CLASP1: variants seen among roughly 807,000 people sequenced by gnomAD.
The protein encoded by CLASP1 is CLIP-associating protein 1.
In CLASP1, 38 loss-of-function variants were observed where a neutral mutation model predicts 192.3. That is an observed-to-expected ratio of 0.20 (90% CI 0.15 to 0.26). CLASP1 has a LOEUF of 0.26. Among genes scored for constraint, CLASP1 ranks in the 10% least tolerant of loss-of-function variants. The probability of loss-of-function intolerance (pLI) is 1.00; values close to 1 mark genes in which losing one functional copy is unlikely to be tolerated. For synonymous variants in CLASP1, 691 were observed against 712.8 expected (o/e 0.97, Z 0.49); for missense variants, 1,433 against 1,932.5 (o/e 0.74, Z 4.85).
intron 37 of CLASP1, among the ~76,000 whole-genome samples, chr2:121,362,958 G>C (rs1256759986): frequency 6.6e-6 from 1 of 152,228 alleles, no homozygotes; most frequent in African/African-American, 2.4e-5. Context: ...CAGTGAGCAG[G>C]AGCTAGGAAC....
At chr2:121,642,527 T>C (rs2072312385) in intron 1 of CLASP1, among the ~76,000 whole-genome samples, 1 of 151,136 alleles carries the variant, frequency 6.6e-6, no homozygotes, top group African/African-American at 2.4e-5. Flanking sequence ...AGGTCAGGAG[T>C]TCGAGACCAG....
At chr2:121,469,281 A>C (rs2090233959) in intron 9 of CLASP1, among the ~76,000 whole-genome samples, 1 of 152,134 alleles carries the variant, frequency 6.6e-6, no homozygotes, top group Non-Finnish European at 1.5e-5. Context: ...ACCATGGCTC[A>C]CTGGGAACTG....
chr2:121,458,389 T>G (rs1302014090), intron 13 of CLASP1, among the ~76,000 whole-genome samples: 3 of 152,198 alleles, frequency 2.0e-5, no homozygotes, highest in African/African-American at 7.2e-5. Flanking sequence ...AACAAGTGCC[T>G]AGAAAACCTA....
chr2:121,348,828 C>G (rs994989510), intron 37 of CLASP1, 110 bp from the exon 39 acceptor site: 2 of 996,496 alleles, frequency 2.0e-6, no homozygotes, highest in African/African-American at 3.3e-5. Context: ...CAATGTCAGA[C>G]GGCAGCCATT....
chr2:121,392,946 T>C (rs868652117), intron 30 of CLASP1, among the ~76,000 whole-genome samples: 1 of 152,230 alleles, frequency 6.6e-6, no homozygotes, highest in African/African-American at 2.4e-5. Flanking sequence ...CGTTCGTGTT[T>C]TGATTTTAAA....
chr2:121,533,429 A>G (rs2094950647), intron 2 of CLASP1, among the ~76,000 whole-genome samples: 3 of 152,212 alleles, frequency 2.0e-5, no homozygotes, highest in Admixed American at 2.0e-4. Flanking sequence ...TAAAACATGG[A>G]CAATAATAAC....
At chr2:121,642,452 G>A (rs1440806373) in intron 1 of CLASP1, among the ~76,000 whole-genome samples, 1 of 151,444 alleles carries the variant, frequency 6.6e-6, no homozygotes, top group African/African-American at 2.4e-5. Context: ...AAACTCTCAG[G>A]CCAGGTGCAG....
intron 8 of CLASP1, among the ~76,000 whole-genome samples, chr2:121,486,603 A>G (rs912562407): frequency 2.0e-5 from 3 of 152,240 alleles, no homozygotes; most frequent in Admixed American, 6.5e-5. Flanking sequence ...TTATCACTGT[A>G]GCAATCCTGA....
chr2:121,538,451 A>G (rs866943729), intron 2 of CLASP1, among the ~76,000 whole-genome samples: 16 of 151,976 alleles, frequency 1.1e-4, no homozygotes, highest in Middle Eastern at 6.8e-3. Context: ...ATTGACAAAA[A>G]AAGATTATCA....
chr2:121,375,721 A>G (rs749664308), intron 34 of CLASP1, among the ~76,000 whole-genome samples: 1 of 151,982 alleles, frequency 6.6e-6, no homozygotes, highest in Non-Finnish European at 1.5e-5. Context: ...AGGCACCACA[A>G]CTAGCCACGG....
At chr2:121,632,762 G>T (rs1251944313) in intron 1 of CLASP1, among the ~76,000 whole-genome samples, 1 of 151,962 alleles carries the variant, frequency 6.6e-6, no homozygotes, top group Non-Finnish European at 1.5e-5. Flanking sequence ...CAGGCATGGT[G>T]GCACATGCCT....
At chr2:121,381,946 C>T (rs2071776880) in intron 33 of CLASP1, among the ~76,000 whole-genome samples, 1 of 152,094 alleles carries the variant, frequency 6.6e-6, no homozygotes, top group Non-Finnish European at 1.5e-5. Flanking sequence ...TACAGAAAGG[C>T]CCACAATAAT....
At chr2:121,607,396 C>T (rs994478933) in intron 1 of CLASP1, among the ~76,000 whole-genome samples, 3 of 152,112 alleles carry the variant, frequency 2.0e-5, no homozygotes, top group South Asian at 2.1e-4. Context: ...CAGTATTCTC[C>T]GCTGACAATA....
At chr2:121,539,699 TAGA>T (rs59456390) in intron 2 of CLASP1, among the ~76,000 whole-genome samples, 31,736 of 151,914 alleles carry the variant, frequency 0.21, 6,279 homozygotes, top group African/African-American at 0.52. Context: ...CAAGTCACGC[TAGA>T]AGAAGATATT....
intron 1 of CLASP1, among the ~76,000 whole-genome samples, chr2:121,637,354 A>C (rs1415602820): frequency 6.6e-6 from 1 of 152,102 alleles, no homozygotes; most frequent in Non-Finnish European, 1.5e-5. Context: ...TAAGTAACTA[A>C]AACATTTATA....
intron 2 of CLASP1, among the ~76,000 whole-genome samples, chr2:121,531,655 C>G (rs1384588224): frequency 6.8e-6 from 1 of 147,502 alleles, no homozygotes; most frequent in African/African-American, 2.5e-5. Flanking sequence ...GGATCAGGAG[C>G]TCAGGAGATA....
Position 121,495,424 on chromosome 2 carries a change from G to C in CLASP1, c.712+7743C>G, listed in dbSNP as rs183388004. On this transcript the variant is annotated intron_variant, in intron 8 of 39. Coordinates refer to ENST00000263710, the Ensembl canonical transcript of CLASP1. ...GCCTGTAATACCAGCGCTTTGGGAGGCTGAGGCGGGCAGATTGCCTGAAGT... is the reference window on the plus strand; with the variant it reads ...GCCTGTAATACCAGCGCTTTGGGAGCCTGAGGCGGGCAGATTGCCTGAAGT... Among the ~76,000 whole-genome samples the C allele has an allele frequency of 6.0e-3, 921 of 152,292 alleles. 4 individuals carry two copies. The highest frequency in any genetic ancestry group is 1.0e-2 in the Admixed American group (153 of 15,308).
At chr2:121,570,945 T>C (rs1206689918) in intron 2 of CLASP1, among the ~76,000 whole-genome samples, 1 of 152,034 alleles carries the variant, frequency 6.6e-6, no homozygotes. Flanking sequence ...CCCACGGGAT[T>C]TGGATGCCCA....
intron 2 of CLASP1, among the ~76,000 whole-genome samples, chr2:121,558,393 C>T (rs2058769374): frequency 6.6e-6 from 1 of 152,202 alleles, no homozygotes; most frequent in East Asian, 1.9e-4. Flanking sequence ...TGTGCCCCCC[C>T]AAATTTCACG....
Sources: allele counts gnomAD v4.1 joint callset (sites outside exome capture counted in the v4.1 genomes callset), GRCh38; gene constraint gnomAD v4.1.1; transcripts MANE v1.5; gene names NCBI Gene and HGNC (gene_info 2026-07-23, HGNC 2026-07-21).